The following TRPM2 variants were observed in gnomAD, a reference collection of about 807,000 sequenced individuals.
The protein encoded by TRPM2 is transient receptor potential cation channel subfamily M member 2, also known as estrogen-responsive element-associated gene 1 protein.
TRPM2 carries 161 observed loss-of-function variants against 174.0 expected under a neutral mutation model. The ratio of observed to expected loss-of-function variants is 0.93; its 90% confidence interval spans 0.81 to 1.05. TRPM2 has a LOEUF of 1.05. Among genes scored for constraint, TRPM2 ranks in the 50% least tolerant of loss-of-function variants. The probability of loss-of-function intolerance (pLI) is 0.00; values close to 1 mark genes in which losing one functional copy is unlikely to be tolerated. For missense variants in TRPM2, 2,057 were observed against 2,038.0 expected (o/e 1.01, Z -0.18); for synonymous variants, 954 against 861.3 (o/e 1.11, Z -1.88).
At chr21:44,380,988 G>T (rs1234398404) in intron 8 of TRPM2, among the ~76,000 whole-genome samples, 1 of 152,194 alleles carries the variant, frequency 6.6e-6, no homozygotes, top group Non-Finnish European at 1.5e-5. Context: ...ACGGTATGAG[G>T]ATGGGGGTGC....
chr21:44,407,934 T>C (rs1569080624), intron 19 of TRPM2, among the ~76,000 whole-genome samples: 2 of 151,722 alleles, frequency 1.3e-5, no homozygotes, highest in African/African-American at 4.8e-5. Context: ...ATATTTAATT[T>C]TTTTTTTCCC....
At chr21:44,423,382 C>A (rs1389357003) in intron 22 of TRPM2, 5 of 476,152 alleles carry the variant, frequency 1.1e-5, no homozygotes, top group Non-Finnish European at 1.9e-5. Flanking sequence ...TCACCTCCCC[C>A]TCTCTCCTGG....
intron 20 of TRPM2, chr21:44,415,197 C>T (rs2050237901): frequency 6.6e-6 from 1 of 152,016 alleles, no homozygotes; most frequent in African/African-American, 2.4e-5. Context: ...TGTCCACCTC[C>T]TCTGGGCCTG....
rs141903572 is a variant in TRPM2, at chr21:44,375,994, G to T, written c.933G>T (p.Glu311Asp). The T allele has an allele frequency of 2.5e-4, 396 of 1,613,816 alleles. 1 individual carries two copies. In the African/African-American group the frequency reaches 4.6e-3, roughly 19 times the overall value. Residue 311 changes from glutamate to aspartate, a missense_variant, in exon 6 of 32, where the codon GAG becomes GAT. Transcript: ENST00000397928. ...CCAGGCTGGAGAAGTTCATATCGGA[G>T]CAGACCAAGGAAAGAGGAGGTAGGG... The part of the protein sequence containing the change: ...LRTRLEKFIS[E>D]QTKERGGVAI...
At position 44,439,140 on chromosome 21, in the gene TRPM2, T is replaced by C. The variant is rs1467110461; in HGVS notation, c.4241T>C (p.Phe1414Ser). The C allele has an allele frequency of 1.9e-6, 3 of 1,613,692 alleles. No homozygotes were observed. The highest frequency in any genetic ancestry group is 1.6e-4 in the Middle Eastern group (1 of 6,062). Residue 1414 changes from phenylalanine to serine, a missense_variant, in exon 30 of 32, where the codon TTT becomes TCT. Transcript: ENST00000397928. This position sits in a 1 kb window ranked among gnomAD's most constrained non-coding sequence, Gnocchi z 5.1. ...CTCCGGCAGGAGCACTGGCCGTCTT[T>C]TGAAAACTTGCTGAAGTGCGGCATG... is the stretch of plus-strand genomic sequence containing the variant. ...RILRQEHWPS[F>S]ENLLKCGMEV... is the part of the protein sequence containing the mutation.
intron 28 of TRPM2, among the ~76,000 whole-genome samples, chr21:44,436,083 AT>A (rs2051254506): frequency 6.7e-6 from 1 of 150,168 alleles, no homozygotes; most frequent in Admixed American, 6.6e-5. Context: ...CTCCACACCC[AT>A]TCACACACAG....
At chr21:44,381,599 TAGAC>T (rs1422864138) in intron 8 of TRPM2, among the ~76,000 whole-genome samples, 3 of 151,666 alleles carry the variant, frequency 2.0e-5, no homozygotes. Context: ...GATAGATAGA[TAGAC>T]AGACAGGTGA....
In TRPM2 at chr21:44,406,067, C is replaced by A. The variant is rs372678880; in HGVS notation, c.2790+30C>A. The A allele has an allele frequency of 6.3e-6, 10 of 1,598,850 alleles. No homozygotes were observed. The South Asian group carries it at 7.7e-5, about 12-fold the overall frequency. Reference sequence around the variant, plus strand: ...GGGGGCGGGGGCACCGGCTCCATCGCGGCCTGCAGCCCAGGGTGGGCCTCG... The same window carrying A: ...GGGGGCGGGGGCACCGGCTCCATCGAGGCCTGCAGCCCAGGGTGGGCCTCG... On this transcript the variant is annotated intron_variant, in intron 18 of 31. Transcript: ENST00000397928.
chr21:44,358,605 G>C, intron 2 of TRPM2, among the ~76,000 whole-genome samples: 1 of 152,228 alleles, frequency 6.6e-6, no homozygotes, highest in Non-Finnish European at 1.5e-5. Context: ...TCTCATCAGA[G>C]GTGATCGTTC....
chr21:44,426,773 C>G lies in TRPM2; in HGVS notation c.3872+37C>G, dbSNP rs770294127. The G allele has an allele frequency of 3.7e-5, 59 of 1,610,814 alleles. 2 individuals carry two copies. In the South Asian group the frequency reaches 5.8e-4, roughly 16 times the overall value. On this transcript the variant is annotated intron_variant, in intron 26 of 31. Coordinates refer to ENST00000397928, the MANE Select transcript of TRPM2 (RefSeq NM_003307.4). The stretch of plus-strand genomic sequence containing the variant: ...CCGCTGTCCGTGCTCCCAGCTGGCC[C>G]CAAACCCAGGGCCTCCTAGGGGCTC...
At position 44,441,970 on chromosome 21, in the gene TRPM2, T is replaced by C; in HGVS notation, c.*153T>C. The C allele has an allele frequency of 8.6e-7, 1 of 1,156,852 alleles. No individual in the cohort carries two copies. The highest frequency in any genetic ancestry group is 1.1e-6 in the Non-Finnish European group (1 of 875,644). The allele number at this position is 1,156,852 out of a possible 1,614,324, so 71.7% of individuals were successfully genotyped here. The stretch of plus-strand genomic sequence containing the variant: ...CAGTGCCCCTCACGGCTGCCGCAAG[T>C]CTGCTGCAGATGACCTCATGAACTG... On this transcript the variant is annotated 3_prime_UTR_variant, in exon 32 of 32. Coordinates refer to ENST00000397928, the MANE Select transcript of TRPM2 (RefSeq NM_003307.4).
intron 2 of TRPM2, 124 bp from the exon 3 acceptor site, chr21:44,363,990 G>C (rs2048287026): frequency 9.9e-7 from 1 of 1,010,192 alleles, no homozygotes; most frequent in Non-Finnish European, 1.4e-6. Context: ...GGCTGGAAGG[G>C]CAGGTGCTTT....
At chr21:44,386,254 G>A (rs553236184) in intron 9 of TRPM2, among the ~76,000 whole-genome samples, 9 of 152,134 alleles carry the variant, frequency 5.9e-5, no homozygotes, top group African/African-American at 1.9e-4. Context: ...GCGTGGTGGC[G>A]AGCACCTGTA....
At chr21:44,377,563 C>T (rs928216272) in intron 6 of TRPM2, 149 bp from the exon 7 acceptor site, 38 of 1,058,788 alleles carry the variant, frequency 3.6e-5, no homozygotes, top group Non-Finnish European at 5.0e-5. Flanking sequence ...CTGGAGCCAG[C>T]AGGGGGCAGG....
intron 19 of TRPM2, among the ~76,000 whole-genome samples, chr21:44,407,198 G>A (rs1785442): frequency 2.5e-5 from 2 of 80,120 alleles, no homozygotes; most frequent in African/African-American, 1.2e-4. Flanking sequence ...CCAGGCTGGA[G>A]TGCAGTGGCA....
rs923407644 is a variant in TRPM2, at chr21:44,438,176, C to T, written c.4168-891C>T. Among the ~76,000 whole-genome samples the T allele has an allele frequency of 2.0e-5, 3 of 152,230 alleles. No individual in the cohort carries two copies. Among genetic ancestry groups the T allele is most frequent in the Admixed American group, 6.5e-5 (1 of 15,282 alleles). The stretch of plus-strand genomic sequence containing the variant: ...CTGTCTCCACAGCTGGAACCACCCC[C>T]GCAGCAGAGGGGGCCTTTGGCCTTG... On this transcript the variant is annotated intron_variant, in intron 29 of 31. Coordinates refer to ENST00000397928, the MANE Select transcript of TRPM2 (RefSeq NM_003307.4). This position sits in a 1 kb window ranked among gnomAD's most constrained non-coding sequence, Gnocchi z 5.9.
chr21:44,374,860 C>A (rs1228979679), intron 5 of TRPM2, among the ~76,000 whole-genome samples: 2 of 152,178 alleles, frequency 1.3e-5, no homozygotes, highest in Non-Finnish European at 2.9e-5. Context: ...GGGTGGGGGA[C>A]CCCTGCTCTA....
At chr21:44,359,080 T>A (rs1473245752) in intron 2 of TRPM2, among the ~76,000 whole-genome samples, 1 of 151,870 alleles carries the variant, frequency 6.6e-6, no homozygotes, top group Admixed American at 6.6e-5. Context: ...TACAGAGCAC[T>A]GCTTGGTCCA....
chr21:44,366,343 G>A lies in TRPM2; in HGVS notation c.424-411G>A, dbSNP rs573213730. The stretch of plus-strand genomic sequence containing the variant: ...GAGGGGGCAGTGCTGGGTGCACAAG[G>A]ACAGAAGGGCAGAGACCCCGGTGCA... On this transcript the variant is annotated intron_variant, in intron 3 of 31. Transcript: ENST00000397928. The surrounding 1 kb of genome is among the most constrained non-coding windows in gnomAD (Gnocchi z 6.0). Among the ~76,000 whole-genome samples the A allele has an allele frequency of 5.9e-5, 9 of 152,192 alleles. No homozygotes were observed. In the East Asian group the frequency reaches 1.7e-3, roughly 29 times the overall value.
Sources: gnomAD v4.1 joint callset for allele counts (sites outside exome capture counted in the v4.1 genomes callset) on GRCh38, gnomAD v4.1.1 for gene constraint, Gnocchi (gnomAD v3.1) non-coding constraint, MANE v1.5 for transcripts, NCBI Gene and HGNC (gene_info 2026-07-23, HGNC 2026-07-21) for gene names.